The following CATSPERG variants were observed in gnomAD, a reference collection of about 807,000 sequenced individuals.
The protein encoded by CATSPERG is catsper channel auxiliary subunit gamma.
Under a neutral mutation model 145.0 loss-of-function variants are expected in CATSPERG, and 115 were observed. The ratio of observed to expected loss-of-function variants is 0.79; its 90% CI spans 0.68 to 0.93. The LOEUF is 0.93. Ranked by LOEUF, CATSPERG falls within the 40% of genes least tolerant of loss-of-function variation. The probability of loss-of-function intolerance (pLI) is 0.00; values close to 1 mark genes in which losing one functional copy is unlikely to be tolerated. For synonymous variants in CATSPERG, 588 were observed against 589.0 expected (o/e 1.00, Z 0.02); for missense variants, 1,296 against 1,490.1 (o/e 0.87, Z 2.14).
chr19:38,345,803 C>T (rs561900002), intron 6 of CATSPERG, among the ~76,000 whole-genome samples: 2 of 152,194 alleles, frequency 1.3e-5, no homozygotes, highest in South Asian at 4.2e-4. Context: ...TGAGCCACCA[C>T]GCCTGGCCTC....
intron 26 of CATSPERG, 127 bp downstream of exon 26, chr19:38,368,264 T>C (rs1308590729): frequency 1.3e-5 from 10 of 775,044 alleles, no homozygotes; most frequent in Non-Finnish European, 2.2e-5. Context: ...GTTACTTAAA[T>C]GGGGCTGAAC....
intron 7 of CATSPERG, among the ~76,000 whole-genome samples, chr19:38,347,212 AAAAC>A (rs1399593092): frequency 2.0e-5 from 3 of 152,092 alleles, no homozygotes; most frequent in East Asian, 1.9e-4. Context: ...CCCTGTCTCA[AAAAC>A]AAACAAACAA....
intron 11 of CATSPERG, 73 bp downstream of exon 11, chr19:38,356,934 A>C: frequency 1.3e-6 from 2 of 1,579,584 alleles, no homozygotes; most frequent in Non-Finnish European, 1.7e-6. Flanking sequence ...GCCCATCCTG[A>C]GGGATCTGTG....
At position 38,351,677 on chromosome 19, in the gene CATSPERG, C is replaced by T. The variant is rs1170270572; in HGVS notation, c.826-584C>T. Among the ~76,000 whole-genome samples, 4 of 150,806 alleles carry T rather than the reference C, an allele frequency of 2.7e-5. No homozygotes were observed. In the East Asian group the frequency reaches 7.7e-4, roughly 29 times the overall value. On this transcript the variant is annotated intron_variant, in intron 7 of 28. Coordinates refer to ENST00000409235, the MANE Select transcript of CATSPERG (RefSeq NM_021185.5). ...GTTCCAGCTACTCGGGAGGCTGAGG[C>T]GGGAGGATTGCTTGAGCACAGGAGT...
rs1970250585 is a variant in CATSPERG at position 38,356,736 on chromosome 19, T to G, written c.1196-6T>G. 1 of 1,613,854 alleles carries G rather than the reference T, an allele frequency of 6.2e-7. No homozygotes were observed. The highest frequency in any genetic ancestry group is 8.5e-7 in the Non-Finnish European group (1 of 1,179,942). On this transcript the variant is annotated splice_region_variant and splice_polypyrimidine_tract_variant and intron_variant, in intron 10 of 28. Coordinates refer to ENST00000409235, the MANE Select transcript of CATSPERG (RefSeq NM_021185.5). ...GGCGGCTCTGGACTGCCCCTTTCCC[T>G]CTCAGTTACCACCTGCTCCATAATT...
At position 38,352,345 on chromosome 19, in the gene CATSPERG, G is replaced by A. The variant is rs944397745; in HGVS notation, c.910G>A (p.Glu304Lys). 13 of 1,551,394 alleles carry A rather than the reference G, an allele frequency of 8.4e-6. No individual in the cohort carries two copies. Among genetic ancestry groups the A allele is most frequent in the Middle Eastern group, 1.7e-4 (1 of 6,020 alleles). ...TATIYDTIAT[E>K]STLFIRQNQL... is the part of the protein sequence containing the mutation. ...CACCATCTATGACACTATTGCCACC[G>A]AGAGCACCCTCTTCATTCGGCAGAA... The change falls in exon 8 of 29, where the codon GAG becomes AAG. Residue 304 changes from glutamate (E) to lysine (K), a missense_variant. Physicochemically the swap from Glu to Lys is moderately conservative, Grantham distance 56. Coordinates refer to ENST00000409235, the MANE Select transcript of CATSPERG (RefSeq NM_021185.5).
chr19:38,370,051 T>C lies in CATSPERG; in HGVS notation c.3100T>C (p.Leu1034=), dbSNP rs772822642. The part of the protein sequence containing the change: ...IFAPEFFFKV[L]VSNRGVDTST... ...TGCCCCTGAATTCTTCTTCAAGGTG[T>C]TGGTGAGCAATAGGTGAGCCAGGCA... The change falls in exon 27 of 29, where the codon TTG becomes CTG. Residue 1034 remains leucine, a synonymous_variant. Transcript: ENST00000409235. 4 of 1,614,068 alleles carry C rather than the reference T, an allele frequency of 2.5e-6. No individual in the cohort carries two copies. The African/African-American group carries it at 5.3e-5, about 22-fold the overall frequency.
At chr19:38,336,301 G>C in intron 1 of CATSPERG, 1 of 436,462 alleles carries the variant, frequency 2.3e-6, no homozygotes, top group South Asian at 1.6e-5. Flanking sequence ...GAGGCGAAGA[G>C]ACAGTTTTCA....
chr19:38,367,207 G>T lies in CATSPERG; in HGVS notation c.2665G>T (p.Ala889Ser), dbSNP rs760876342. The T allele has an allele frequency of 1.9e-6, 3 of 1,613,788 alleles. No individual in the cohort carries two copies. Among genetic ancestry groups the T allele is most frequent in the Admixed American group, 3.3e-5 (2 of 59,964 alleles). The change falls in exon 23 of 29, where the codon GCC becomes TCC. Residue 889 changes from alanine to serine, a missense_variant. Ala to Ser is a moderately conservative substitution (Grantham distance 99). Coordinates refer to ENST00000409235, the MANE Select transcript of CATSPERG (RefSeq NM_021185.5). The stretch of plus-strand genomic sequence containing the variant: ...TGGCTGCCCCCCAGGCAAGCGCCTG[G>T]CCTTCGACATCACCTACACGCTGGA... Reference protein sequence around the residue: ...FIGCPPGKRLAFDITYTLEYS... With the variant: ...FIGCPPGKRLSFDITYTLEYS...
At chr19:38,352,607 T>TC in intron 8 of CATSPERG, 175 bp downstream of exon 8, 2 of 622,810 alleles carry the variant, frequency 3.2e-6, no homozygotes, top group East Asian at 5.6e-5. Flanking sequence ...TTTTTTTTTT[T>TC]TTTTTTTTTT....
chr19:38,346,507 A>G lies in CATSPERG; in HGVS notation c.727A>G (p.Thr243Ala), dbSNP rs551833511. ...VGVSSRPLWH[T>A]VDQSPVLILG... ...TGTCTCATCGAGGCCCTTGTGGCACACTGTGGACCAGTCACCTGTGCTTAT... is the reference window on the plus strand; with the variant it reads ...TGTCTCATCGAGGCCCTTGTGGCACGCTGTGGACCAGTCACCTGTGCTTAT... The change falls in exon 7 of 29, where the codon ACT becomes GCT. Residue 243 changes from threonine (T) to alanine (A), a missense_variant. Coordinates refer to ENST00000409235, the MANE Select transcript of CATSPERG (RefSeq NM_021185.5). The G allele has an allele frequency of 3.9e-6, 6 of 1,551,274 alleles. No homozygotes were observed. The Admixed American group carries it at 9.8e-5, about 25-fold the overall frequency.
intron 7 of CATSPERG, among the ~76,000 whole-genome samples, chr19:38,349,960 C>T (rs1361615636): frequency 1.3e-5 from 2 of 152,192 alleles, no homozygotes; most frequent in Non-Finnish European, 1.5e-5. Context: ...CCACCGCACC[C>T]GGCCGTTGCT....
chr19:38,342,567 T>C (rs1161648971), intron 3 of CATSPERG, among the ~76,000 whole-genome samples: 1 of 148,206 alleles, frequency 6.7e-6, no homozygotes, highest in Non-Finnish European at 1.5e-5. Context: ...GCCACTGCAC[T>C]GTAGCCTGGG....
At chr19:38,360,363 C>T (rs2145098523) in intron 14 of CATSPERG, 126 bp from the exon 15 acceptor site, 1 of 1,481,980 alleles carries the variant, frequency 6.7e-7, no homozygotes, top group Non-Finnish European at 8.9e-7. Flanking sequence ...GCCCTTGGTC[C>T]CAGTGGAGGT....
intron 7 of CATSPERG, among the ~76,000 whole-genome samples, chr19:38,351,900 C>T (rs1389933852): frequency 2.0e-5 from 3 of 152,112 alleles, no homozygotes; most frequent in African/African-American, 7.2e-5. Context: ...GAGCCAGATC[C>T]AGCCTTTAAA....
At chr19:38,342,249 T>TA (rs1406621031) in intron 3 of CATSPERG, among the ~76,000 whole-genome samples, 1 of 127,344 alleles carries the variant, frequency 7.9e-6, no homozygotes, top group Non-Finnish European at 1.7e-5. Flanking sequence ...ATAAATAAAT[T>TA]ACAGAAATAG....
At chr19:38,343,854 G>C in intron 4 of CATSPERG, 130 bp downstream of exon 4, 1 of 1,391,586 alleles carries the variant, frequency 7.2e-7, no homozygotes, top group Non-Finnish European at 9.7e-7. Context: ...TGGCCTAGAG[G>C]GGCCACACAG....
At chr19:38,360,411 C>T in intron 14 of CATSPERG, 78 bp from the exon 15 acceptor site, 1 of 1,573,528 alleles carries the variant, frequency 6.4e-7, no homozygotes, top group South Asian at 1.2e-5. Context: ...ATGGGGCCAC[C>T]ACACTGGGCA....
intron 3 of CATSPERG, among the ~76,000 whole-genome samples, chr19:38,339,430 C>T (rs1398978446): frequency 4.6e-5 from 7 of 152,226 alleles, no homozygotes; most frequent in South Asian, 2.1e-4. Context: ...CCCTGGACCC[C>T]GGACATGTTC....
Sources: allele counts gnomAD v4.1 joint callset (sites outside exome capture counted in the v4.1 genomes callset), GRCh38; gene constraint gnomAD v4.1.1; transcripts MANE v1.5; gene names NCBI Gene and HGNC (gene_info 2026-07-23, HGNC 2026-07-21).